GRIK4: variants seen among roughly 807,000 people sequenced by gnomAD.
The protein encoded by GRIK4 is glutamate ionotropic receptor kainate type subunit 4.
Under a neutral mutation model 104.9 loss-of-function variants are expected in GRIK4, and 40 were observed. The ratio of observed to expected loss-of-function variants is 0.38; its 90% CI spans 0.30 to 0.50. GRIK4 has a LOEUF of 0.50. GRIK4 is among the 20% of genes least tolerant of loss of function. The pLI is 0.93. For missense variants in GRIK4, 1,047 were observed against 1,308.1 expected (o/e 0.80, Z 3.08); for synonymous variants, 485 against 524.9 (o/e 0.92, Z 1.04).
intron 9 of GRIK4, among the ~76,000 whole-genome samples, chr11:120,865,216 T>C (rs1325201043): frequency 6.6e-6 from 1 of 152,154 alleles, no homozygotes; most frequent in Non-Finnish European, 1.5e-5. Flanking sequence ...CAATTCACAA[T>C]CATTCACTAA....
At chr11:120,835,879 ACT>A (rs1194003372) in intron 7 of GRIK4, among the ~76,000 whole-genome samples, 5 of 151,912 alleles carry the variant, frequency 3.3e-5, no homozygotes, top group Non-Finnish European at 7.4e-5. Flanking sequence ...CAAAAGGGAG[ACT>A]CTTCTGATGT....
At chr11:120,661,441 G>C (rs971737445) in intron 3 of GRIK4, among the ~76,000 whole-genome samples, 6 of 152,348 alleles carry the variant, frequency 3.9e-5, no homozygotes, top group East Asian at 1.9e-4. Context: ...CCCACACTGG[G>C]GGTGGGGTTG....
intron 8 of GRIK4, among the ~76,000 whole-genome samples, chr11:120,845,501 C>T (rs774085579): frequency 1.3e-5 from 2 of 152,058 alleles, no homozygotes; most frequent in Non-Finnish European, 2.9e-5. Context: ...TCTAGCTTTC[C>T]AAAACTCTAC....
At chr11:120,815,758 T>A (rs1952940920) in intron 5 of GRIK4, among the ~76,000 whole-genome samples, 2 of 151,634 alleles carry the variant, frequency 1.3e-5, no homozygotes, top group South Asian at 2.1e-4. Flanking sequence ...TTGGTGGTGG[T>A]GGGTAGAGGG....
At chr11:120,835,712 AGCC>A (rs1334617092) in intron 7 of GRIK4, among the ~76,000 whole-genome samples, 1 of 152,182 alleles carries the variant, frequency 6.6e-6, no homozygotes, top group African/African-American at 2.4e-5. Context: ...ATGAAAATCT[AGCC>A]GACTGTCAGG....
chr11:120,855,356 C>T (rs1322881632), intron 8 of GRIK4, among the ~76,000 whole-genome samples: 2 of 152,280 alleles, frequency 1.3e-5, no homozygotes, highest in Non-Finnish European at 2.9e-5. Context: ...TGAACAGATG[C>T]GATGTGAGGC....
At chr11:120,962,412 C>T (rs1297308930) in intron 17 of GRIK4, 44 bp from the exon 18 acceptor site, 33 of 1,400,154 alleles carry the variant, frequency 2.4e-5, no homozygotes, top group Non-Finnish European at 3.2e-5. Flanking sequence ...GCCAACGTTT[C>T]CTTCCTCTTT....
chr11:120,631,458 G>A (rs1262289373), intron 1 of GRIK4, among the ~76,000 whole-genome samples: 3 of 152,160 alleles, frequency 2.0e-5, no homozygotes, highest in Non-Finnish European at 4.4e-5. Context: ...GTAGGTGGTT[G>A]TGTCATCCAG....
intron 19 of GRIK4, 50 bp from the exon 20 acceptor site, chr11:120,982,056 G>A (rs988215711): frequency 1.0e-5 from 12 of 1,172,094 alleles, no homozygotes; most frequent in Non-Finnish European, 1.5e-5. Flanking sequence ...AAATGATTGT[G>A]TCTTCCTGAT....
intron 1 of GRIK4, among the ~76,000 whole-genome samples, chr11:120,588,488 G>T (rs1389249469): frequency 6.6e-6 from 1 of 152,098 alleles, no homozygotes; most frequent in East Asian, 1.9e-4. Flanking sequence ...GCTAATTTTT[G>T]AGTAGGTTTT....
At chr11:120,585,540 C>T (rs757766367) in intron 1 of GRIK4, among the ~76,000 whole-genome samples, 1 of 151,838 alleles carries the variant, frequency 6.6e-6, no homozygotes, top group African/African-American at 2.4e-5. Context: ...TAGTGCCTTT[C>T]GAAGAACAGT....
In GRIK4 at chr11:120,952,795, G is replaced by A; in HGVS notation, c.1591-60G>A. The stretch of plus-strand genomic sequence containing the variant: ...CTACCTCCTCTACCCCGCCCTGCCT[G>A]CCCCAAGGTCATGTTGACTGAATAT... On this transcript the variant is annotated intron_variant, in intron 14 of 20. Coordinates refer to ENST00000527524, the MANE Select transcript of GRIK4 (RefSeq NM_014619.5). The surrounding 1 kb of genome is among the most constrained non-coding windows in gnomAD (Gnocchi z 5.2). 8.5e-7 allele frequency: 1 copy of A among 1,173,144 alleles called. No homozygotes were observed. Among genetic ancestry groups the A allele is most frequent in the Non-Finnish European group, 1.3e-6 (1 of 777,400 alleles). The allele number at this position is 1,173,144 out of a possible 1,614,324, so 72.7% of individuals were successfully genotyped here.
intron 11 of GRIK4, among the ~76,000 whole-genome samples, chr11:120,897,046 G>A (rs566611770): frequency 1.3e-5 from 2 of 152,290 alleles, no homozygotes; most frequent in South Asian, 4.1e-4. Context: ...CAGGTGCAGT[G>A]GCTCACGCCT....
intron 3 of GRIK4, among the ~76,000 whole-genome samples, chr11:120,689,321 A>G (rs1390844851): frequency 6.6e-6 from 1 of 151,986 alleles, no homozygotes; most frequent in Non-Finnish European, 1.5e-5. Context: ...CCTATTCTAA[A>G]TGTTGAACCC....
In GRIK4 at chr11:120,899,418, C is replaced by CAA. The variant is rs57401981; in HGVS notation, c.1272+801_1272+802dup. On this transcript the variant is annotated intron_variant, in intron 12 of 20. Transcript: ENST00000527524. ...CCTGGGTGACAGAGTGAGACTGTCTCAAAAAAAAAAAAAAAAAAAAAAATA... is the reference window on the plus strand; with the variant it reads ...CCTGGGTGACAGAGTGAGACTGTCTCAAAAAAAAAAAAAAAAAAAAAAAAATA... Among the ~76,000 whole-genome samples, 98 of 71,434 alleles carry CAA rather than the reference C, an allele frequency of 1.4e-3. 1 individual carries two copies. The highest frequency in any genetic ancestry group is 2.0e-3 in the African/African-American group (40 of 20,132). The allele number at this position is 71,434 out of a possible 152,430, so 46.9% of individuals were successfully genotyped here. A position where few individuals can be genotyped will look rare whatever the true frequency, so the allele number is the denominator to read the frequency against.
chr11:120,909,997 G>A (rs1481406064), intron 13 of GRIK4, among the ~76,000 whole-genome samples: 13 of 152,214 alleles, frequency 8.5e-5, no homozygotes, highest in Non-Finnish European at 5.9e-5. Context: ...CTTAGGAATG[G>A]ATTCATGTCA....
chr11:120,671,216 C>G (rs1950012011), intron 3 of GRIK4, among the ~76,000 whole-genome samples: 1 of 152,034 alleles, frequency 6.6e-6, no homozygotes, highest in African/African-American at 2.4e-5. Flanking sequence ...GGGTATATAC[C>G]CAGTAATGGG....
At chr11:120,882,041 T>A (rs1175966947) in intron 11 of GRIK4, among the ~76,000 whole-genome samples, 1 of 152,160 alleles carries the variant, frequency 6.6e-6, no homozygotes, top group Non-Finnish European at 1.5e-5. Context: ...GCCCTGCCTG[T>A]CAGATGACAT....
At chr11:120,579,620 A>G (rs1948540615) in intron 1 of GRIK4, among the ~76,000 whole-genome samples, 1 of 152,190 alleles carries the variant, frequency 6.6e-6, no homozygotes, top group Non-Finnish European at 1.5e-5. Flanking sequence ...AGGATAAATC[A>G]TAGGAGAGGA....
Sources: allele counts gnomAD v4.1 joint callset (sites outside exome capture counted in the v4.1 genomes callset), GRCh38; gene constraint gnomAD v4.1.1; non-coding constraint Gnocchi (gnomAD v3.1); transcripts MANE v1.5; gene names NCBI Gene and HGNC (gene_info 2026-07-23, HGNC 2026-07-21).